The following WSCD1 variants were observed in gnomAD, a reference collection of about 807,000 sequenced individuals.
WSCD1 encodes the protein WSC domain sialate O sulfotransferase 1.
Under a neutral mutation model 60.4 loss-of-function variants are expected in WSCD1, and 41 were observed. That is an observed-to-expected ratio of 0.68 (90% CI 0.53 to 0.88). The LOEUF (loss-of-function observed/expected upper bound fraction) is 0.88. WSCD1 is among the 40% of genes least tolerant of loss of function. The probability of loss-of-function intolerance (pLI) is 0.00; values close to 1 mark genes in which losing one functional copy is unlikely to be tolerated. For missense variants in WSCD1, 784 were observed against 796.2 expected (o/e 0.98, Z 0.18); for synonymous variants, 361 against 332.5 (o/e 1.09, Z -0.93).
At chr17:6,079,239 C>T (rs934274854) in intron 1 of WSCD1, among the ~76,000 whole-genome samples, 1 of 152,028 alleles carries the variant, frequency 6.6e-6, no homozygotes, top group Non-Finnish European at 1.5e-5. Flanking sequence ...ACAGAGTAGC[C>T]ATTGAGTGGC....
At position 6,109,700 on chromosome 17, in the gene WSCD1, T is replaced by C; in HGVS notation, c.943T>C (p.Cys315Arg). Residue 315 changes from cysteine to arginine, a missense_variant, in exon 6 of 9, where the codon TGT becomes CGT. Transcript: ENST00000317744. Reference sequence around the variant, plus strand: ...GCGGGATGCCATGGACAGCTCAGTATGTGGCCAGGACCCTGAGGCACAGAG... The same window carrying C: ...GCGGGATGCCATGGACAGCTCAGTACGTGGCCAGGACCCTGAGGCACAGAG... ...NLRDAMDSSVCGQDPEAQRLA... is the reference protein window; with the variant it reads ...NLRDAMDSSVRGQDPEAQRLA... The C allele has an allele frequency of 1.2e-6, 2 of 1,614,144 alleles. No homozygotes were observed. The highest frequency in any genetic ancestry group is 1.7e-6 in the Non-Finnish European group (2 of 1,180,010).
intron 5 of WSCD1, among the ~76,000 whole-genome samples, chr17:6,108,858 C>T (rs1049561789): frequency 6.6e-5 from 10 of 152,192 alleles, no homozygotes; most frequent in Admixed American, 5.9e-4. Context: ...CAGAGTGAGA[C>T]GACTCCTCTC....
At chr17:6,107,230 CTTAA>C (rs1911137926) in intron 5 of WSCD1, among the ~76,000 whole-genome samples, 1 of 152,116 alleles carries the variant, frequency 6.6e-6, no homozygotes, top group Non-Finnish European at 1.5e-5. Context: ...CTCATTTGAA[CTTAA>C]TTATCTCTGT....
chr17:6,092,361 G>A (rs1358170203), intron 4 of WSCD1, among the ~76,000 whole-genome samples: 1 of 152,058 alleles, frequency 6.6e-6, no homozygotes, highest in African/African-American at 2.4e-5. Flanking sequence ...GCTGACCGGG[G>A]CTTCTTAGAT....
Position 6,080,742 on chromosome 17 carries a change from G to T in WSCD1, c.84G>T (p.Met28Ile). ...TCTTCCTCACGGCTGCCTACCTGAT[G>T]ACCGGCAGCCTGCTGCTGCTGCAGC... ...LLFFLTAAYL[M>I]TGSLLLLQRV... The change falls in exon 2 of 9, where the codon ATG becomes ATT. Residue 28 changes from methionine to isoleucine, a missense_variant. Met to Ile is a conservative substitution (Grantham distance 10). Coordinates refer to ENST00000317744, the MANE Select transcript of WSCD1 (RefSeq NM_015253.2). This position sits in a 1 kb window ranked among gnomAD's most constrained non-coding sequence, Gnocchi z 6.6. The T allele has an allele frequency of 6.2e-7, 1 of 1,612,596 alleles. No homozygotes were observed. Among genetic ancestry groups the T allele is most frequent in the South Asian group, 1.1e-5 (1 of 91,046 alleles).
chr17:6,095,107 A>T lies in WSCD1; in HGVS notation c.733A>T (p.Thr245Ser). 1 of 1,610,912 alleles carries T rather than the reference A, an allele frequency of 6.2e-7. No homozygotes were observed. Among genetic ancestry groups the T allele is most frequent in the Admixed American group, 1.7e-5 (1 of 59,598 alleles). The change falls in exon 5 of 9, where the codon ACC becomes TCC. Residue 245 changes from threonine to serine, a missense_variant. Physicochemically the swap from Thr to Ser is moderately conservative, Grantham distance 58. Transcript: ENST00000317744. ...ELQPGSRKRR[T>S]ATYRGCFRLP... ...ACCCCTCTCTTTTCCCCCAGGGCGGACCGCCACCTACCGCGGATGCTTCCG... is the reference window on the plus strand; with the variant it reads ...ACCCCTCTCTTTTCCCCCAGGGCGGTCCGCCACCTACCGCGGATGCTTCCG...
At chr17:6,104,487 G>A (rs1910977572) in intron 5 of WSCD1, among the ~76,000 whole-genome samples, 1 of 152,172 alleles carries the variant, frequency 6.6e-6, no homozygotes, top group Non-Finnish European at 1.5e-5. Context: ...CTTTGTGTTG[G>A]TTCCACTCCC....
At chr17:6,102,256 C>T (rs1226164601) in intron 5 of WSCD1, among the ~76,000 whole-genome samples, 1 of 152,234 alleles carries the variant, frequency 6.6e-6, no homozygotes, top group Non-Finnish European at 1.5e-5. Context: ...CTCAGCTGGG[C>T]AGCTGCTCTT....
At position 6,081,058 on chromosome 17, in the gene WSCD1, G is replaced by T; in HGVS notation, c.400G>T (p.Ala134Ser). Residue 134 changes from alanine (A) to serine (S), a missense_variant, in exon 2 of 9, where the codon GCT becomes TCT. Physicochemically the swap from Ala to Ser is moderately conservative, Grantham distance 99 (BLOSUM62 1). Transcript: ENST00000317744. The stretch of plus-strand genomic sequence containing the variant: ...GGGACCGCCCGCCCTGGGCCCCGAG[G>T]CTGCCAGGCCCGCCATCCACAGCCG... ...SQGPPALGPE[A>S]ARPAIHSRGT... is the part of the protein sequence containing the mutation. 1 of 1,540,060 alleles carries T rather than the reference G, an allele frequency of 6.5e-7. No individual in the cohort carries two copies.
chr17:6,114,078 A>G (rs1911559889), intron 7 of WSCD1, among the ~76,000 whole-genome samples: 2 of 149,536 alleles, frequency 1.3e-5, no homozygotes, highest in Admixed American at 1.3e-4. Flanking sequence ...TAGCCAAGGT[A>G]TGGAATCAAC....
intron 5 of WSCD1, among the ~76,000 whole-genome samples, chr17:6,104,741 G>C (rs896817124): frequency 1.6e-4 from 24 of 152,230 alleles, no homozygotes; most frequent in Admixed American, 5.2e-4. Context: ...TTGGTTTGCA[G>C]ATTTCACTGG....
chr17:6,097,186 C>T (rs925480291), intron 5 of WSCD1, among the ~76,000 whole-genome samples: 5 of 151,994 alleles, frequency 3.3e-5, no homozygotes, highest in African/African-American at 4.8e-5. Flanking sequence ...TGCCATTCGG[C>T]GTTATGGAAG....
intron 1 of WSCD1, among the ~76,000 whole-genome samples, chr17:6,073,131 C>T (rs979604184): frequency 6.6e-6 from 1 of 152,128 alleles, no homozygotes; most frequent in Non-Finnish European, 1.5e-5. Context: ...TCCCATAGCC[C>T]GAGTGCCCAG....
At chr17:6,111,724 A>AAG (rs1555528915) in intron 7 of WSCD1, among the ~76,000 whole-genome samples, 403 of 54,400 alleles carry the variant, frequency 7.4e-3, no homozygotes, top group Non-Finnish European at 0.014. Context: ...AAAAAAAAAA[A>AAG]GAGCAAGGAA....
chr17:6,091,340 T>C (rs978311565), intron 4 of WSCD1, among the ~76,000 whole-genome samples: 3 of 152,106 alleles, frequency 2.0e-5, no homozygotes, highest in African/African-American at 7.2e-5. Context: ...ATCCCTTGGA[T>C]CCAAAAATGA....
At chr17:6,113,461 CAA>C (rs1911519726) in intron 7 of WSCD1, among the ~76,000 whole-genome samples, 1 of 152,124 alleles carries the variant, frequency 6.6e-6, no homozygotes, top group African/African-American at 2.4e-5. Context: ...GATAGGACCT[CAA>C]GAGCACAGAC....
chr17:6,090,759 A>AG (rs2150545398), intron 4 of WSCD1, among the ~76,000 whole-genome samples: 1 of 152,284 alleles, frequency 6.6e-6, no homozygotes, highest in East Asian at 1.9e-4. Flanking sequence ...GAAACTGATT[A>AG]GGGGGCCTGG....
chr17:6,097,539 C>T (rs543160305), intron 5 of WSCD1, among the ~76,000 whole-genome samples: 9 of 152,350 alleles, frequency 5.9e-5, no homozygotes, highest in African/African-American at 1.7e-4. Flanking sequence ...TGTCTCACGT[C>T]GCGACACAAA....
At chr17:6,104,504 T>A (rs1910978692) in intron 5 of WSCD1, among the ~76,000 whole-genome samples, 1 of 152,210 alleles carries the variant, frequency 6.6e-6, no homozygotes, top group Non-Finnish European at 1.5e-5. Context: ...TCCCAGCATC[T>A]GCCTCTCCAA....
Sources: gnomAD v4.1 joint callset for allele counts (sites outside exome capture counted in the v4.1 genomes callset) on GRCh38, gnomAD v4.1.1 for gene constraint, Gnocchi (gnomAD v3.1) non-coding constraint, MANE v1.5 for transcripts, NCBI Gene and HGNC (gene_info 2026-07-23, HGNC 2026-07-21) for gene names.